TANC2: variants seen among roughly 807,000 people sequenced by gnomAD.
TANC2 encodes the protein tetratricopeptide repeat, ankyrin repeat and coiled-coil containing 2, also known as protein TANC2.
Under a neutral mutation model 210.5 loss-of-function variants are expected in TANC2, and 26 were observed. The observed-to-expected ratio is 0.12, with a 90% CI of 0.09 to 0.17. TANC2 has a LOEUF of 0.17. TANC2 is among the 10% of genes least tolerant of loss of function. The pLI is 1.00. For missense variants in TANC2, 2,129 were observed against 2,608.9 expected (o/e 0.82, Z 4.01); for synonymous variants, 931 against 967.1 (o/e 0.96, Z 0.69).
intron 1 of TANC2, among the ~76,000 whole-genome samples, chr17:62,975,962 A>C (rs1238664756): frequency 6.6e-6 from 1 of 151,898 alleles, no homozygotes; most frequent in Non-Finnish European, 1.5e-5. Context: ...TTTCTTTGTT[A>C]TCTTGTCTTG....
At chr17:63,376,456 C>T (rs143280473) in intron 14 of TANC2, among the ~76,000 whole-genome samples, 6 of 152,212 alleles carry the variant, frequency 3.9e-5, no homozygotes, top group African/African-American at 1.4e-4. Flanking sequence ...CATTATCTCT[C>T]CTGCCACCCT....
At chr17:63,334,974 A>G (rs1439026408) in intron 11 of TANC2, among the ~76,000 whole-genome samples, 1 of 152,150 alleles carries the variant, frequency 6.6e-6, no homozygotes. Context: ...GGGAGGTGCT[A>G]CACACTTTTA....
chr17:63,377,457 G>A (rs1280393128), intron 14 of TANC2, among the ~76,000 whole-genome samples: 1 of 152,084 alleles, frequency 6.6e-6, no homozygotes, highest in Non-Finnish European at 1.5e-5. Flanking sequence ...TGGGGCAAGG[G>A]CAAAATGCCA....
At chr17:63,019,025 A>T (rs1426497672) in intron 2 of TANC2, among the ~76,000 whole-genome samples, 1 of 152,180 alleles carries the variant, frequency 6.6e-6, no homozygotes, top group Non-Finnish European at 1.5e-5. Context: ...AGGGTTTTGT[A>T]TAAACATAAT....
chr17:63,277,979 C>T (rs933777842), intron 9 of TANC2, among the ~76,000 whole-genome samples: 1 of 152,024 alleles, frequency 6.6e-6, no homozygotes, highest in Non-Finnish European at 1.5e-5. Context: ...CGAGACCAGC[C>T]TGGGCAACAT....
At chr17:63,242,568 C>T (rs527663059) in intron 8 of TANC2, among the ~76,000 whole-genome samples, 1 of 152,012 alleles carries the variant, frequency 6.6e-6, no homozygotes, top group South Asian at 2.1e-4. Flanking sequence ...GGAGCTAATT[C>T]CCTGCAGATA....
intron 14 of TANC2, among the ~76,000 whole-genome samples, chr17:63,368,092 T>C (rs2047163118): frequency 6.6e-6 from 1 of 152,160 alleles, no homozygotes; most frequent in African/African-American, 2.4e-5. Context: ...GGGAGAGATA[T>C]TTTGGTGATA....
Position 63,421,214 on chromosome 17 carries a change from C to T in TANC2, c.5484C>T (p.Ser1828=), listed in dbSNP as rs1373140848. 6 of 1,613,908 alleles carry T rather than the reference C, an allele frequency of 3.7e-6. No individual in the cohort carries two copies. Among genetic ancestry groups the T allele is most frequent in the African/African-American group, 1.3e-5 (1 of 74,914 alleles). ...AGCGCTCCTCCAGCCAACTAGGTTC[C>T]CCTGATGTGTCGCATTTAATCAGAA... is the stretch of plus-strand genomic sequence containing the variant. Residue 1828 remains serine (S), a synonymous_variant, in exon 28 of 28, where the codon TCC becomes TCT. Transcript: ENST00000689528. This position sits in a 1 kb window ranked among gnomAD's most constrained non-coding sequence, Gnocchi z 6.9.
intron 3 of TANC2, among the ~76,000 whole-genome samples, chr17:63,091,580 T>C (rs1310489099): frequency 6.6e-6 from 1 of 152,240 alleles, no homozygotes; most frequent in Non-Finnish European, 1.5e-5. Flanking sequence ...ACCTCTGTTT[T>C]GGTACCAGTA....
At chr17:63,375,371 G>A (rs2047393349) in intron 14 of TANC2, among the ~76,000 whole-genome samples, 1 of 152,250 alleles carries the variant, frequency 6.6e-6, no homozygotes, top group Non-Finnish European at 1.5e-5. Context: ...CAGCTGAAAT[G>A]AAGACTAGAG....
chr17:63,187,008 A>AAAGAG (rs1200657043), intron 5 of TANC2, among the ~76,000 whole-genome samples: 5 of 152,214 alleles, frequency 3.3e-5, no homozygotes, highest in African/African-American at 9.6e-5. Flanking sequence ...GACATATCTT[A>AAAGAG]ATTGGAGTGT....
chr17:63,381,019 T>C (rs1382448027), intron 15 of TANC2, among the ~76,000 whole-genome samples: 1 of 152,230 alleles, frequency 6.6e-6, no homozygotes, highest in African/African-American at 2.4e-5. Context: ...AGCATTGTCC[T>C]GCTGTTAGAT....
At chr17:63,175,053 T>C (rs1469429302) in intron 5 of TANC2, among the ~76,000 whole-genome samples, 1 of 152,158 alleles carries the variant, frequency 6.6e-6, no homozygotes, top group Non-Finnish European at 1.5e-5. Context: ...TTTCCCCAAA[T>C]TGAGTGAACA....
At chr17:63,337,188 C>T (rs2046060552) in intron 11 of TANC2, among the ~76,000 whole-genome samples, 2 of 152,150 alleles carry the variant, frequency 1.3e-5, no homozygotes, top group South Asian at 4.1e-4. Context: ...TGCCTGAATT[C>T]TGCAGATGCA....
intron 8 of TANC2, among the ~76,000 whole-genome samples, chr17:63,251,557 A>ACT (rs1343575918): frequency 6.6e-6 from 1 of 152,174 alleles, no homozygotes; most frequent in African/African-American, 2.4e-5. Context: ...CTAAAAGAGG[A>ACT]CTAGGGACAA....
chr17:63,136,778 G>A (rs1232197239), intron 4 of TANC2, among the ~76,000 whole-genome samples: 3 of 152,102 alleles, frequency 2.0e-5, no homozygotes, highest in African/African-American at 7.2e-5. Context: ...GAGAGAAAGG[G>A]CGTGGGTTGA....
At chr17:62,983,760 T>G in intron 1 of TANC2, among the ~76,000 whole-genome samples, 1 of 152,114 alleles carries the variant, frequency 6.6e-6, no homozygotes, top group East Asian at 1.9e-4. Flanking sequence ...TTACTGTGAT[T>G]TATTACATTT....
rs2048927760 is a variant in TANC2, at chr17:63,418,336, TA to T, written c.4199del (p.Lys1400ArgfsTer5). 1 of 1,613,380 alleles carries T rather than the reference TA, an allele frequency of 6.2e-7. No homozygotes were observed. The highest frequency in any genetic ancestry group is 8.5e-7 in the Non-Finnish European group (1 of 1,179,750). ...TTGGAATGGCGGAGGAATTTGCTAC[TA>T]AGGCCCTGGAGCTGAAACCGAAATC... On this transcript the variant is annotated frameshift_variant, in exon 27 of 28. Coordinates refer to ENST00000689528, the Ensembl canonical transcript of TANC2. LOFTEE classifies it high-confidence loss of function. This position sits in a 1 kb window ranked among gnomAD's most constrained non-coding sequence, Gnocchi z 4.6.
At chr17:63,036,534 A>G (rs942657241) in intron 2 of TANC2, among the ~76,000 whole-genome samples, 17 of 152,182 alleles carry the variant, frequency 1.1e-4, no homozygotes, top group African/African-American at 4.1e-4. Context: ...GTCTTAAAAT[A>G]GGGTAGTATA....
Sources: allele counts gnomAD v4.1 joint callset (sites outside exome capture counted in the v4.1 genomes callset), GRCh38; gene constraint gnomAD v4.1.1; non-coding constraint Gnocchi (gnomAD v3.1); transcripts MANE v1.5; gene names NCBI Gene and HGNC (gene_info 2026-07-23, HGNC 2026-07-21).